HIPK3: variants seen among roughly 807,000 people sequenced by gnomAD.
HIPK3 encodes homeodomain-interacting protein kinase 3.
In HIPK3, 47 loss-of-function variants were observed where a neutral mutation model predicts 124.2. The ratio of observed to expected loss-of-function variants is 0.38; its 90% CI spans 0.30 to 0.48. The LOEUF is 0.48. Among genes scored for constraint, HIPK3 ranks in the 20% least tolerant of loss-of-function variants. The pLI is 0.98. For missense variants in HIPK3, 1,286 were observed against 1,454.3 expected, an observed-to-expected ratio of 0.88 and a Z score of 1.88; for synonymous variants, 482 against 515.2, an observed-to-expected ratio of 0.94 and a Z score of 0.87.
chr11:33,281,132 C>T (rs185708770), intron 1 of HIPK3, among the ~76,000 whole-genome samples: 1,445 of 140,760 alleles, frequency 0.01, 5 homozygotes, highest in Non-Finnish European at 0.015. Context: ...TGCAGTGGCA[C>T]GATCTTGGCT....
chr11:33,258,609 G>T, intron 1 of HIPK3: 1 of 985,396 alleles, frequency 1.0e-6, no homozygotes, highest in Non-Finnish European at 1.2e-6. Context: ...GCTTCCCTTC[G>T]CCGCACTGGG....
At chr11:33,304,854 G>A (rs890728396) in intron 2 of HIPK3, among the ~76,000 whole-genome samples, 18 of 152,098 alleles carry the variant, frequency 1.2e-4, no homozygotes, top group African/African-American at 3.9e-4. Context: ...GCTCATGGAC[G>A]CTGCCGGATT....
intron 1 of HIPK3, among the ~76,000 whole-genome samples, chr11:33,265,943 G>A (rs1850948047): frequency 6.6e-6 from 1 of 151,144 alleles, no homozygotes; most frequent in Non-Finnish European, 1.5e-5. Context: ...AATTAGCTGG[G>A]TGTGGTGGTG....
intron 16 of HIPK3, among the ~76,000 whole-genome samples, chr11:33,352,842 G>A (rs903086002): frequency 9.2e-5 from 14 of 151,994 alleles, no homozygotes; most frequent in Admixed American, 3.3e-4. Context: ...ATAGTAATAG[G>A]TAGTACTAGC....
At chr11:33,273,439 G>T (rs1473433109) in intron 1 of HIPK3, among the ~76,000 whole-genome samples, 1 of 147,312 alleles carries the variant, frequency 6.8e-6, no homozygotes, top group Non-Finnish European at 1.5e-5. Flanking sequence ...AACCTGGGAG[G>T]CGGAGCTTGC....
At chr11:33,293,257 A>G (rs1310280761) in intron 2 of HIPK3, among the ~76,000 whole-genome samples, 1 of 152,206 alleles carries the variant, frequency 6.6e-6, no homozygotes, top group Non-Finnish European at 1.5e-5. Flanking sequence ...TAAGTATACA[A>G]TTTAATGGCT....
At chr11:33,325,738 A>G (rs2133964342) in intron 2 of HIPK3, among the ~76,000 whole-genome samples, 2 of 152,350 alleles carry the variant, frequency 1.3e-5, no homozygotes, top group South Asian at 4.1e-4. Flanking sequence ...TACACAAATA[A>G]TGAACAAAAA....
At chr11:33,257,992 C>A in intron 1 of HIPK3, 103 bp downstream of exon 1, 1 of 907,546 alleles carries the variant, frequency 1.1e-6, no homozygotes, top group Non-Finnish European at 1.3e-6. Flanking sequence ...CGGGCCTGGC[C>A]CGACACCTCC....
chr11:33,349,433 A>T (rs1423929528), intron 14 of HIPK3, 146 bp downstream of exon 14: 3 of 666,498 alleles, frequency 4.5e-6, no homozygotes, highest in African/African-American at 3.6e-5. Flanking sequence ...CAGTTTTTAT[A>T]AACACAGGTT....
intron 2 of HIPK3, among the ~76,000 whole-genome samples, chr11:33,304,131 G>T (rs1775562629): frequency 6.6e-6 from 1 of 152,088 alleles, no homozygotes; most frequent in Admixed American, 6.5e-5. Flanking sequence ...AGTAGAGACG[G>T]GGTGTCACCA....
Position 33,287,416 on chromosome 11 carries a change from T to G in HIPK3, c.1002T>G (p.Val334=), listed in dbSNP as rs1379965669. The G allele has an allele frequency of 1.2e-6, 2 of 1,614,188 alleles. No individual in the cohort carries two copies. Among genetic ancestry groups the G allele is most frequent in the South Asian group, 2.2e-5 (2 of 91,084 alleles). ...KPENIMLVDP[V]RQPYRVKVID... ...AGAATATTATGTTGGTGGATCCTGT[T>G]CGGCAGCCTTACAGGGTTAAAGTAA... Residue 334 remains valine, a synonymous_variant, in exon 2 of 17, where the codon GTT becomes GTG. Transcript: ENST00000303296.
chr11:33,329,765 A>G (rs1160911014), intron 3 of HIPK3, among the ~76,000 whole-genome samples: 2 of 152,196 alleles, frequency 1.3e-5, no homozygotes, highest in Non-Finnish European at 2.9e-5. Flanking sequence ...TAGCTTTGAT[A>G]CAGATGCAAG....
At chr11:33,323,483 TC>T (rs1434578862) in intron 2 of HIPK3, among the ~76,000 whole-genome samples, 1 of 152,134 alleles carries the variant, frequency 6.6e-6, no homozygotes, top group Non-Finnish European at 1.5e-5. Context: ...CCTCAAGTGA[TC>T]CTCCCGGCTT....
chr11:33,257,000 C>G (rs552927888), upstream of HIPK3, among the ~76,000 whole-genome samples: 170 of 152,324 alleles, frequency 1.1e-3, no homozygotes, highest in Non-Finnish European at 2.1e-3. Flanking sequence ...TCTCGAAAGG[C>G]CTGTAAAATC....
At chr11:33,277,438 T>A (rs1402627566) in intron 1 of HIPK3, among the ~76,000 whole-genome samples, 2 of 152,204 alleles carry the variant, frequency 1.3e-5, no homozygotes, top group African/African-American at 4.8e-5. Context: ...GAAATTGGGA[T>A]GCATCTTAAA....
At chr11:33,338,241 A>ATTC (rs1363038511) in intron 4 of HIPK3, among the ~76,000 whole-genome samples, 1 of 151,938 alleles carries the variant, frequency 6.6e-6, no homozygotes, top group Non-Finnish European at 1.5e-5. Context: ...TATTATTATT[A>ATTC]TTGTATTTTT....
chr11:33,257,248 C>A, upstream of HIPK3: 1 of 983,742 alleles, frequency 1.0e-6, no homozygotes, highest in Non-Finnish European at 1.2e-6. Context: ...AGGGGCTTCA[C>A]GGAGGCGCCG....
Position 33,348,225 on chromosome 11 carries a change from GT to G in HIPK3, c.2368del (p.Trp790GlyfsTer20). 6.2e-7 allele frequency: 1 copy of G among 1,613,254 alleles called. No homozygotes were observed. The highest frequency in any genetic ancestry group is 8.5e-7 in the Non-Finnish European group (1 of 1,179,342). On this transcript the variant is annotated frameshift_variant and splice_region_variant, in exon 12 of 17. Coordinates refer to ENST00000303296, the MANE Select transcript of HIPK3 (RefSeq NM_005734.5). LOFTEE classifies it high-confidence loss of function. ...GGAAGAGAGGAAATAAATGCTTTCA[GT>G]TGGTAAGATTGTCTTTATTGCCCTT... ...EPGREEINAF[S>X]WSNSLQNTNI...
upstream of HIPK3, chr11:33,257,187 G>T (rs1014888352): frequency 1.0e-6 from 1 of 957,436 alleles, no homozygotes; most frequent in Non-Finnish European, 1.2e-6. Flanking sequence ...GCTGGCAGGC[G>T]GGCTCCGGGC....
Sources: allele counts gnomAD v4.1 joint callset (sites outside exome capture counted in the v4.1 genomes callset), GRCh38; gene constraint gnomAD v4.1.1; transcripts MANE v1.5; gene names NCBI Gene and HGNC (gene_info 2026-07-23, HGNC 2026-07-21).